GALM: variants seen among roughly 807,000 people sequenced by gnomAD.
GALM encodes galactose mutarotase.
In GALM, 43 loss-of-function variants were observed where a neutral mutation model predicts 37.4. The observed-to-expected ratio is 1.15, with a 90% confidence interval of 0.90 to 1.48. GALM has a LOEUF of 1.48. Among genes scored for constraint, GALM ranks in the 40% most tolerant of loss-of-function variants. GALM has a pLI of 0.00. For missense variants in GALM, 456 were observed against 419.1 expected, an observed-to-expected ratio of 1.09 and a Z score of -0.77; for synonymous variants, 199 against 170.6, an observed-to-expected ratio of 1.17 and a Z score of -1.30.
chr2:38,666,834 A>G (rs1664952973), intron 1 of GALM, among the ~76,000 whole-genome samples: 1 of 152,148 alleles, frequency 6.6e-6, no homozygotes, highest in African/African-American at 2.4e-5. Context: ...TGCTCCACTA[A>G]GCTCAGTGGT....
chr2:38,697,288 C>T (rs943031095), intron 4 of GALM, among the ~76,000 whole-genome samples: 5 of 152,112 alleles, frequency 3.3e-5, no homozygotes, highest in African/African-American at 9.7e-5. Flanking sequence ...TGACAAATTA[C>T]ACAGCTTCTA....
chr2:38,670,140 A>T (rs970187713), intron 1 of GALM, among the ~76,000 whole-genome samples: 3 of 151,854 alleles, frequency 2.0e-5, no homozygotes, highest in Non-Finnish European at 2.9e-5. Context: ...CTGGGATTAC[A>T]GGTGTGAGCC....
intron 1 of GALM, among the ~76,000 whole-genome samples, chr2:38,666,556 T>C (rs1664943717): frequency 6.6e-6 from 1 of 152,246 alleles, no homozygotes; most frequent in South Asian, 2.1e-4. Context: ...ACTATGGCAG[T>C]TGGCCTCTGG....
rs1436615571 is a variant in GALM at position 38,698,368 on chromosome 2, G to C, written c.634+8474G>C. On this transcript the variant is annotated intron_variant, in intron 4 of 6. Transcript: ENST00000272252. ...GCTTCTTTCCTGTCCCATGGCAGGT[G>C]GCACCAACAGAAGGTTTCTGCAAGG... is the stretch of plus-strand genomic sequence containing the variant. 1.5e-5 allele frequency: 20 copies of C among 1,304,302 alleles called. No individual in the cohort carries two copies. The Admixed American group carries it at 4.6e-4, about 30-fold the overall frequency. 80.8% of individuals were successfully genotyped at this position (1,304,302 alleles called of 1,614,324 possible).
At chr2:38,686,172 T>C (rs1665514101) in intron 3 of GALM, among the ~76,000 whole-genome samples, 1 of 151,330 alleles carries the variant, frequency 6.6e-6, no homozygotes, top group Non-Finnish European at 1.5e-5. Flanking sequence ...ATTTTCATGT[T>C]GATTCATTTC....
chr2:38,677,614 T>C (rs74790991), intron 2 of GALM, among the ~76,000 whole-genome samples: 51 of 152,244 alleles, frequency 3.3e-4, no homozygotes, highest in Admixed American at 3.3e-3. Context: ...CACCTCGTTC[T>C]AGCTTGCCCC....
intron 4 of GALM, among the ~76,000 whole-genome samples, chr2:38,716,886 C>T (rs143417586): frequency 1.6e-4 from 25 of 152,188 alleles, no homozygotes; most frequent in African/African-American, 5.1e-4. Flanking sequence ...AAAACAGAAA[C>T]CTTAAGTACT....
chr2:38,722,024 T>C (rs1572541714), intron 4 of GALM, among the ~76,000 whole-genome samples: 5 of 75,782 alleles, frequency 6.6e-5, no homozygotes, highest in Non-Finnish European at 1.2e-4. Flanking sequence ...CAACTATGCC[T>C]TCCCTTCCCC....
At chr2:38,730,422 A>G (rs1011925769) in intron 5 of GALM, among the ~76,000 whole-genome samples, 7 of 152,032 alleles carry the variant, frequency 4.6e-5, no homozygotes, top group Admixed American at 1.3e-4. Flanking sequence ...ACGTGCCACT[A>G]TGCCCAGCTA....
Position 38,666,269 on chromosome 2 carries a change from G to A in GALM, c.108G>A (p.Trp36Ter). The A allele has an allele frequency of 6.2e-7, 1 of 1,614,058 alleles. No homozygotes were observed. Among genetic ancestry groups the A allele is most frequent in the East Asian group, 2.2e-5 (1 of 44,876 alleles). Residue 36 changes from tryptophan (W) to a stop codon, truncating the protein, a stop_gained, in exon 1 of 7, where the codon TGG becomes TGA. Transcript: ENST00000272252. LOFTEE classifies it high-confidence loss of function. ...SDLLRVDIIS[W>*]GCTITALEVK... ...TCTTGAGAGTGGACATCATCTCCTG[G>A]GGCTGCACGATCACAGCCCTAGAGG...
chr2:38,675,535 T>G (rs1364480666), intron 1 of GALM, among the ~76,000 whole-genome samples: 68 of 95,454 alleles, frequency 7.1e-4, no homozygotes, highest in East Asian at 1.7e-3. Context: ...TGTTTTTTTT[T>G]TTTTTTTTTG....
intron 4 of GALM, among the ~76,000 whole-genome samples, chr2:38,699,477 A>C (rs920872257): frequency 1.3e-5 from 2 of 152,148 alleles, no homozygotes; most frequent in Non-Finnish European, 2.9e-5. Context: ...AGTGCTTTAG[A>C]GCACTAGCAC....
At chr2:38,715,431 T>G (rs1457045805) in intron 4 of GALM, among the ~76,000 whole-genome samples, 1 of 151,914 alleles carries the variant, frequency 6.6e-6, no homozygotes, top group African/African-American at 2.4e-5. Context: ...AATCAAGGCG[T>G]TTTTGTTGTT....
chr2:38,728,773 A>C (rs770213261), intron 4 of GALM, among the ~76,000 whole-genome samples: 1 of 152,246 alleles, frequency 6.6e-6, no homozygotes, highest in Non-Finnish European at 1.5e-5. Flanking sequence ...TTCCTCTTCA[A>C]GAAAAAATGG....
chr2:38,718,127 G>GC (rs1666305360), intron 4 of GALM, among the ~76,000 whole-genome samples: 1 of 151,284 alleles, frequency 6.6e-6, no homozygotes, highest in Admixed American at 6.6e-5. Context: ...GTGAGCCACT[G>GC]CCCCCAGCCA....
chr2:38,723,527 G>A lies in GALM; in HGVS notation c.635-6029G>A, dbSNP rs149719983. On this transcript the variant is annotated intron_variant, in intron 4 of 6. Transcript: ENST00000272252. Reference sequence around the variant, plus strand: ...CTCCCGGCCAGGTGCAGCAACTCACGCCTGTAATCGTAGCACTTTGGGAAG... The same window carrying A: ...CTCCCGGCCAGGTGCAGCAACTCACACCTGTAATCGTAGCACTTTGGGAAG... Among the ~76,000 whole-genome samples, 47 of 152,228 alleles carry A rather than the reference G, an allele frequency of 3.1e-4. 1 individual carries two copies. In the East Asian group the frequency reaches 8.1e-3, roughly 26 times the overall value.
chr2:38,675,588 T>A (rs1382990386), intron 1 of GALM, among the ~76,000 whole-genome samples: 8 of 133,606 alleles, frequency 6.0e-5, no homozygotes, highest in East Asian at 4.5e-4. Flanking sequence ...TGTGTGTGTG[T>A]GATGGAGTCT....
At chr2:38,674,718 C>T (rs1338140839) in intron 1 of GALM, among the ~76,000 whole-genome samples, 1 of 152,084 alleles carries the variant, frequency 6.6e-6, no homozygotes, top group Non-Finnish European at 1.5e-5. Flanking sequence ...GATCGCTTCC[C>T]CTCAAGACCA....
chr2:38,713,675 A>G (rs2148450397), intron 4 of GALM, among the ~76,000 whole-genome samples: 1 of 152,248 alleles, frequency 6.6e-6, no homozygotes, highest in South Asian at 2.1e-4. Flanking sequence ...AGGCCAAGAC[A>G]GAAGGATTGC....
Sources: gnomAD v4.1 joint callset for allele counts (sites outside exome capture counted in the v4.1 genomes callset) on GRCh38, gnomAD v4.1.1 for gene constraint, MANE v1.5 for transcripts, NCBI Gene and HGNC (gene_info 2026-07-23, HGNC 2026-07-21) for gene names.